ARK2N: variants seen among roughly 807,000 people sequenced by gnomAD.
ARK2N encodes the protein arkadia (RNF111) N-terminal like PKA signaling regulator 2N, also known as protein ARK2N.
the ARK2N span, among the ~76,000 whole-genome samples, chr18:46,210,936 T>G: frequency 1.4e-5 from 2 of 146,952 alleles, no homozygotes; most frequent in African/African-American, 2.5e-5. Context: ...AGAACTCACG[T>G]TGGTGGATGG....
chr18:46,239,245 G>A, the ARK2N span, among the ~76,000 whole-genome samples: 1 of 152,112 alleles, frequency 6.6e-6, no homozygotes, highest in Non-Finnish European at 1.5e-5. Flanking sequence ...GAGGGTGGAA[G>A]GGTCCTCTTC....
the ARK2N span, among the ~76,000 whole-genome samples, chr18:46,222,477 T>C: frequency 1.3e-5 from 2 of 152,206 alleles, no homozygotes; most frequent in Non-Finnish European, 2.9e-5. Context: ...GTCTAGATGA[T>C]GTTAATTAAA....
At chr18:46,191,699 T>C in the ARK2N span, among the ~76,000 whole-genome samples, 1 of 152,216 alleles carries the variant, frequency 6.6e-6, no homozygotes, top group African/African-American at 2.4e-5. Context: ...AGGTTATATA[T>C]TAGAGTTCAC....
At chr18:46,255,661 G>A in the ARK2N span, among the ~76,000 whole-genome samples, 38 of 151,560 alleles carry the variant, frequency 2.5e-4, no homozygotes, top group East Asian at 7.2e-3. Flanking sequence ...ATGTTGGTCA[G>A]GCTGGTCTTG....
chr18:46,241,850 CTT>C, the ARK2N span, among the ~76,000 whole-genome samples: 7 of 152,080 alleles, frequency 4.6e-5, no homozygotes, highest in Non-Finnish European at 1.5e-5. Context: ...GAGTTTCGCT[CTT>C]GTTGCCCAAG....
At chr18:46,203,839 G>A in the ARK2N span, among the ~76,000 whole-genome samples, 1 of 151,972 alleles carries the variant, frequency 6.6e-6, no homozygotes. Context: ...TGCCTGCCTC[G>A]GCCTCTCAAA....
the ARK2N span, among the ~76,000 whole-genome samples, chr18:46,262,753 G>A: frequency 1.3e-5 from 2 of 152,136 alleles, no homozygotes; most frequent in Non-Finnish European, 2.9e-5. Context: ...GGGGTGTGGT[G>A]GGGTAGGGAG....
the ARK2N span, chr18:46,228,686 A>G: frequency 2.5e-6 from 1 of 396,764 alleles, no homozygotes. Flanking sequence ...CCCAGGTTCA[A>G]GCAATCCTCC....
the ARK2N span, among the ~76,000 whole-genome samples, chr18:46,192,079 A>G: frequency 6.6e-6 from 1 of 152,106 alleles, no homozygotes; most frequent in Non-Finnish European, 1.5e-5. Flanking sequence ...CCAATTTTTG[A>G]TAGTATGTTT....
chr18:46,195,355 A>C, the ARK2N span, among the ~76,000 whole-genome samples: 1 of 143,366 alleles, frequency 7.0e-6, no homozygotes, highest in African/African-American at 2.6e-5. Context: ...TACAGCCTGG[A>C]ATTTCTGGGA....
the ARK2N span, among the ~76,000 whole-genome samples, chr18:46,209,691 G>A: frequency 1.3e-5 from 2 of 152,108 alleles, no homozygotes; most frequent in South Asian, 4.1e-4. Flanking sequence ...TGCCTCCCGG[G>A]TTCAAGTGAT....
the ARK2N span, among the ~76,000 whole-genome samples, chr18:46,179,687 G>A: frequency 1.4e-4 from 21 of 150,152 alleles, no homozygotes; most frequent in Non-Finnish European, 2.7e-4. Flanking sequence ...GTGCAATGGC[G>A]CCATCTCCGC....
chr18:46,252,090 G>A, the ARK2N span, among the ~76,000 whole-genome samples: 460 of 152,068 alleles, frequency 3.0e-3, 6 homozygotes, highest in Non-Finnish European at 4.2e-3. Context: ...CTACTCGGGA[G>A]GTTGAGGCAG....
At chr18:46,259,903 C>G in the ARK2N span, among the ~76,000 whole-genome samples, 48 of 20,148 alleles carry the variant, frequency 2.4e-3, 2 homozygotes, top group South Asian at 4.0e-3. Flanking sequence ...GTGTGTGCGA[C>G]AGAGATGGGG....
chr18:46,263,316 AAAG>A, the ARK2N span: 1 of 485,514 alleles, frequency 2.1e-6, no homozygotes, highest in Non-Finnish European at 3.6e-6. Context: ...ATCACAGAGA[AAAG>A]AATTTCTTCT....
chr18:46,211,657 A>G, the ARK2N span, among the ~76,000 whole-genome samples: 1 of 152,186 alleles, frequency 6.6e-6, no homozygotes, highest in Non-Finnish European at 1.5e-5. Context: ...AGGAATAATC[A>G]ATAATGTAAG....
the ARK2N span, chr18:46,216,400 C>T: frequency 6.2e-7 from 1 of 1,614,048 alleles, no homozygotes; most frequent in Non-Finnish European, 8.5e-7. The surrounding 1 kb of genome is among the most constrained non-coding windows in gnomAD (Gnocchi z 4.3). Context: ...GGTTAAAGGT[C>T]ATCGGAGCCA....
the ARK2N span, among the ~76,000 whole-genome samples, chr18:46,188,430 G>C: frequency 2.0e-5 from 3 of 152,098 alleles, no homozygotes; most frequent in African/African-American, 7.2e-5. Context: ...CGGAACTCCT[G>C]ACCTCAGGTG....
chr18:46,190,214 G>A, the ARK2N span, among the ~76,000 whole-genome samples: 1 of 152,052 alleles, frequency 6.6e-6, no homozygotes, highest in African/African-American at 2.4e-5. Flanking sequence ...ATCTTGTGTA[G>A]TGTTTTAAAA....
Sources: gnomAD v4.1 joint callset for allele counts (sites outside exome capture counted in the v4.1 genomes callset) on GRCh38, gnomAD v4.1.1 for gene constraint, Gnocchi (gnomAD v3.1) non-coding constraint, MANE v1.5 for transcripts, NCBI Gene and HGNC (gene_info 2026-07-23, HGNC 2026-07-21) for gene names.